Variants in IMMP2L observed in about 807,000 individuals in gnomAD.
IMMP2L encodes inner mitochondrial membrane peptidase subunit 2.
A neutral mutation model predicts 19.3 loss-of-function variants in IMMP2L; 18 were observed. The observed-to-expected ratio is 0.93, with a 90% CI of 0.64 to 1.38. IMMP2L has a LOEUF of 1.38. Among genes scored for constraint, IMMP2L ranks in the 40% most tolerant of loss-of-function variants. The pLI is 0.00. For synonymous variants in IMMP2L, 76 were observed against 73.0 expected, an observed-to-expected ratio of 1.04 and a Z score of -0.21; for missense variants, 233 against 218.2, an observed-to-expected ratio of 1.07 and a Z score of -0.43.
At chr7:111,411,030 G>T (rs1212754399) in intron 3 of IMMP2L, among the ~76,000 whole-genome samples, 2 of 125,422 alleles carry the variant, frequency 1.6e-5, no homozygotes, top group African/African-American at 3.1e-5. Context: ...ACAAATCCAA[G>T]AAGTTCAACA....
At chr7:111,090,278 G>A (rs1393427822) in intron 3 of IMMP2L, among the ~76,000 whole-genome samples, 3 of 151,758 alleles carry the variant, frequency 2.0e-5, no homozygotes, top group African/African-American at 7.3e-5. Context: ...TATTTTCCTG[G>A]GAAATATCCT....
At chr7:111,206,861 T>C (rs1371037977) in intron 3 of IMMP2L, among the ~76,000 whole-genome samples, 2 of 152,090 alleles carry the variant, frequency 1.3e-5, no homozygotes, top group African/African-American at 2.4e-5. Flanking sequence ...ATAAGCCTCA[T>C]CAGGGGAGAT....
chr7:111,507,907 T>C (rs1243494069), intron 2 of IMMP2L, among the ~76,000 whole-genome samples: 2 of 152,128 alleles, frequency 1.3e-5, no homozygotes, highest in African/African-American at 2.4e-5. Flanking sequence ...TTTTTACATG[T>C]ACCCAGCTCA....
At chr7:111,155,227 C>T (rs1804508954) in intron 3 of IMMP2L, among the ~76,000 whole-genome samples, 1 of 152,052 alleles carries the variant, frequency 6.6e-6, no homozygotes, top group Non-Finnish European at 1.5e-5. Flanking sequence ...AAGTGGAATG[C>T]AGATATCATT....
At chr7:111,238,517 T>A (rs753745801) in intron 3 of IMMP2L, among the ~76,000 whole-genome samples, 11 of 151,984 alleles carry the variant, frequency 7.2e-5, no homozygotes, top group Non-Finnish European at 1.0e-4. Context: ...TACAAGGTTA[T>A]AGAGATGGAT....
At chr7:110,980,224 C>CATCTT (rs1349454037) in intron 3 of IMMP2L, among the ~76,000 whole-genome samples, 20 of 61,288 alleles carry the variant, frequency 3.3e-4, no homozygotes, top group African/African-American at 1.3e-3. Context: ...ATTTGTGCTG[C>CATCTT]TTCTTTTTTT....
intron 3 of IMMP2L, among the ~76,000 whole-genome samples, chr7:111,487,028 AAT>A (rs1490874013): frequency 2.0e-5 from 3 of 152,126 alleles, no homozygotes; most frequent in East Asian, 1.9e-4. Flanking sequence ...ACCAAATCCA[AAT>A]ATGTTAGTCA....
chr7:111,451,763 C>T (rs114856988), intron 3 of IMMP2L, among the ~76,000 whole-genome samples: 1 of 148,418 alleles, frequency 6.7e-6, no homozygotes. Context: ...AGGAAAAAAG[C>T]AGAGAGAAGG....
intron 3 of IMMP2L, among the ~76,000 whole-genome samples, chr7:111,078,574 C>A (rs894627336): frequency 6.6e-6 from 1 of 151,890 alleles, no homozygotes; most frequent in Non-Finnish European, 1.5e-5. Context: ...GGAATATTTT[C>A]TACTATGCAA....
At chr7:111,481,495 T>A (rs1381016860) in intron 3 of IMMP2L, among the ~76,000 whole-genome samples, 1 of 152,174 alleles carries the variant, frequency 6.6e-6, no homozygotes, top group Admixed American at 6.5e-5. Context: ...ATACCTACTT[T>A]ACTGGTTTTT....
chr7:111,060,276 T>C (rs1223789050), intron 3 of IMMP2L, among the ~76,000 whole-genome samples: 1 of 152,222 alleles, frequency 6.6e-6, no homozygotes, highest in African/African-American at 2.4e-5. Context: ...ACCACTCAAG[T>C]TTTAAAATGT....
chr7:111,014,734 C>T (rs796914473), intron 3 of IMMP2L, among the ~76,000 whole-genome samples: 1 of 151,844 alleles, frequency 6.6e-6, no homozygotes, highest in Non-Finnish European at 1.5e-5. Flanking sequence ...CAACAAAAAA[C>T]CAAATAAGCC....
intron 3 of IMMP2L, among the ~76,000 whole-genome samples, chr7:111,210,369 C>T (rs1811179621): frequency 1.3e-5 from 2 of 152,250 alleles, no homozygotes; most frequent in South Asian, 2.1e-4. Flanking sequence ...GTTTATTTCA[C>T]GTGTAAACTT....
chr7:110,926,689 C>A (rs1270539565), intron 4 of IMMP2L, among the ~76,000 whole-genome samples: 7 of 152,050 alleles, frequency 4.6e-5, no homozygotes, highest in Non-Finnish European at 5.9e-5. Flanking sequence ...GCTTTTGCAA[C>A]TTGTAGAATG....
intron 3 of IMMP2L, among the ~76,000 whole-genome samples, chr7:111,463,726 T>C (rs1203855524): frequency 1.3e-5 from 2 of 152,146 alleles, no homozygotes; most frequent in Non-Finnish European, 2.9e-5. Flanking sequence ...CACTTCACTA[T>C]TGTTCAATGG....
At chr7:111,318,042 C>A (rs1824292398) in intron 3 of IMMP2L, among the ~76,000 whole-genome samples, 1 of 152,104 alleles carries the variant, frequency 6.6e-6, no homozygotes, top group South Asian at 2.1e-4. Context: ...AATATAACCA[C>A]TTACTTATAA....
At chr7:111,427,533 CATTACCAT>C (rs1298011042) in intron 3 of IMMP2L, among the ~76,000 whole-genome samples, 1 of 151,798 alleles carries the variant, frequency 6.6e-6, no homozygotes, top group Non-Finnish European at 1.5e-5. Flanking sequence ...CAGAAAACTA[CATTACCAT>C]ATTGAAATAG....
intron 4 of IMMP2L, among the ~76,000 whole-genome samples, chr7:110,930,190 T>C (rs146207107): frequency 2.0e-4 from 31 of 152,338 alleles, no homozygotes; most frequent in African/African-American, 6.5e-4. Context: ...CTTTACTTCC[T>C]TTTCATATGT....
At position 110,663,412 on chromosome 7, in the gene IMMP2L, C is replaced by T. The variant is rs1429843816; in HGVS notation, c.*190G>A. On this transcript the variant is annotated 3_prime_UTR_variant, in exon 6 of 6. Coordinates refer to ENST00000405709, the MANE Select transcript of IMMP2L (RefSeq NM_032549.4). Reference sequence around the variant, plus strand: ...AGGGAACTAAAATTTAACACAAAATCAGGTGCCATTTAATACTGTTTAACA... The same window carrying T: ...AGGGAACTAAAATTTAACACAAAATTAGGTGCCATTTAATACTGTTTAACA... The T allele has an allele frequency of 4.2e-6, 2 of 473,746 alleles. No individual in the cohort carries two copies. The highest frequency in any genetic ancestry group is 3.9e-5 in the East Asian group (1 of 25,786). 29.3% of individuals were successfully genotyped at this position (473,746 alleles called of 1,614,324 possible).
Sources: allele counts gnomAD v4.1 joint callset (sites outside exome capture counted in the v4.1 genomes callset), GRCh38; gene constraint gnomAD v4.1.1; transcripts MANE v1.5; gene names NCBI Gene and HGNC (gene_info 2026-07-23, HGNC 2026-07-21).